Variants in QRICH2 observed in about 807,000 individuals in gnomAD.
The protein encoded by QRICH2 is glutamine-rich protein 2.
In QRICH2, 119 loss-of-function variants were observed where a neutral mutation model predicts 168.3. That is an observed-to-expected ratio of 0.71 (90% confidence interval 0.61 to 0.82). The LOEUF (loss-of-function observed/expected upper bound fraction) is 0.82. Among genes scored for constraint, QRICH2 ranks in the 40% least tolerant of loss-of-function variants. QRICH2 has a pLI of 0.00. For missense variants in QRICH2, 2,241 were observed against 2,491.6 expected (o/e 0.90, Z 2.14); for synonymous variants, 894 against 951.2 (o/e 0.94, Z 1.11).
In QRICH2 at chr17:76,281,284, C is replaced by T. The variant is rs1056743899; in HGVS notation, c.4264-331G>A. The stretch of plus-strand genomic sequence containing the variant: ...GGACACAAGCGTCAGTCACCTACAT[C>T]CCCATGGACTAGCCTTGTGACCCTG... On this transcript the variant is annotated intron_variant, in intron 8 of 18. Transcript: ENST00000680821. This position sits in a 1 kb window ranked among gnomAD's most constrained non-coding sequence, Gnocchi z 4.4. Among the ~76,000 whole-genome samples, 6 of 152,206 alleles carry T rather than the reference C, an allele frequency of 3.9e-5. No individual in the cohort carries two copies. The highest frequency in any genetic ancestry group is 1.4e-4 in the African/African-American group (6 of 41,450).
Position 76,280,534 on chromosome 17 carries a change from A to C in QRICH2, c.4462-83T>G, listed in dbSNP as rs562407554. 2.3e-4 allele frequency: 374 copies of C among 1,591,714 alleles called. 2 individuals are homozygous for C. Among genetic ancestry groups the C allele is most frequent in the South Asian group, 9.0e-4 (80 of 88,760 alleles). ...TTCCCTGGGGGTGTCGACCCCTATC[A>C]CCAGGCAGGTTTCTGAGAGCCCACA... On this transcript the variant is annotated intron_variant, in intron 10 of 18. Coordinates refer to ENST00000680821, the MANE Select transcript of QRICH2 (RefSeq NM_001388453.1). This position sits in a 1 kb window ranked among gnomAD's most constrained non-coding sequence, Gnocchi z 7.4.
At chr17:76,299,399 C>T (rs1403642074) in intron 3 of QRICH2, among the ~76,000 whole-genome samples, 1 of 152,080 alleles carries the variant, frequency 6.6e-6, no homozygotes, top group Non-Finnish European at 1.5e-5. Context: ...GGACCATTTT[C>T]TGATTTCAGG....
Position 76,291,647 on chromosome 17 carries a change from G to T in QRICH2, c.3080C>A (p.Ala1027Asp). ...EQYGQVSPLL[A>D]SQGLASPGID... is the part of the protein sequence containing the mutation. The stretch of plus-strand genomic sequence containing the variant: ...ACCAGGTGATGCCAAACCTTGACTG[G>T]CTAGGAGTGGTGACACCTGGCCGTA... The change falls in exon 4 of 19, where the codon GCC becomes GAC. Residue 1027 changes from alanine to aspartate, a missense_variant. Physicochemically the swap from Ala to Asp is moderately radical, Grantham distance 126. This residue lies in a region of QRICH2 where 2,047 missense variants were observed against 2,303.8 expected (regional missense o/e 0.89). Transcript: ENST00000680821. The T allele has an allele frequency of 6.2e-7, 1 of 1,614,122 alleles. No individual in the cohort carries two copies. Among genetic ancestry groups the T allele is most frequent in the Non-Finnish European group, 8.5e-7 (1 of 1,180,014 alleles).
intron 1 of QRICH2, 89 bp from the exon 2 acceptor site, chr17:76,305,030 C>G (rs2143403851): frequency 1.1e-6 from 1 of 883,480 alleles, no homozygotes; most frequent in Non-Finnish European, 1.9e-6. Context: ...CACACACACT[C>G]TCACACTCAG....
chr17:76,279,658 G>C (rs1256412314), intron 12 of QRICH2, among the ~76,000 whole-genome samples: 1 of 152,122 alleles, frequency 6.6e-6, no homozygotes, highest in Non-Finnish European at 1.5e-5. Context: ...TGCAAGTCTC[G>C]GGCGCCCCCT....
Position 76,280,790 on chromosome 17 carries a change from T to C in QRICH2, c.4386+41A>G, listed in dbSNP as rs80125493. On this transcript the variant is annotated intron_variant, in intron 9 of 18. Coordinates refer to ENST00000680821, the MANE Select transcript of QRICH2 (RefSeq NM_001388453.1). The surrounding 1 kb of genome is among the most constrained non-coding windows in gnomAD (Gnocchi z 7.4). ...GCAGCTGCGGGGCTAGGGCACCACA[T>C]TGAGCCCCGGCCCCATCCCAGCCAC... 1.5e-4 allele frequency: 246 copies of C among 1,613,958 alleles called. No homozygotes were observed. The East Asian group carries it at 4.0e-3, about 26-fold the overall frequency.
upstream of QRICH2, among the ~76,000 whole-genome samples, chr17:76,308,777 GCT>G (rs2071028972): frequency 6.6e-6 from 1 of 151,960 alleles, no homozygotes; most frequent in South Asian, 2.1e-4. Flanking sequence ...AGGGAGTCTT[GCT>G]CTGTCGCCCA....
intron 3 of QRICH2, among the ~76,000 whole-genome samples, chr17:76,301,897 TGTGTGTGTGTGTGTGTGTGTGA>T (rs2070909464): frequency 7.5e-6 from 1 of 132,824 alleles, no homozygotes; most frequent in Non-Finnish European, 1.5e-5. Context: ...TGTGTGTGTG[TGTGTGTGTGTGTGTGTGTGTGA>T]GACAGAGTCT....
intron 3 of QRICH2, among the ~76,000 whole-genome samples, chr17:76,296,437 G>C (rs1001200875): frequency 2.0e-5 from 3 of 152,154 alleles, no homozygotes; most frequent in Non-Finnish European, 2.9e-5. Flanking sequence ...TGAGGAGACA[G>C]AAGTGAGCAT....
intron 16 of QRICH2, 79 bp from the exon 17 acceptor site, chr17:76,276,846 A>T: frequency 8.7e-7 from 1 of 1,150,100 alleles, no homozygotes; most frequent in Non-Finnish European, 1.3e-6. Flanking sequence ...ACTGAGGCAC[A>T]GAGCACTGTG....
At chr17:76,278,951 G>A in intron 14 of QRICH2, 90 bp downstream of exon 14, 1 of 1,064,712 alleles carries the variant, frequency 9.4e-7, no homozygotes, top group Non-Finnish European at 1.4e-6. Flanking sequence ...CGTTCCGCTG[G>A]GCCCTCCGGA....
chr17:76,280,284 C>T lies in QRICH2; in HGVS notation c.4626+3G>A. ...GGAGAGCCCCGCCATGCCCCTGCCT[C>T]ACCTTGTTGTCCATCTCTGTGAGCA... On this transcript the variant is annotated splice_donor_region_variant and intron_variant, in intron 11 of 18. Coordinates refer to ENST00000680821, the MANE Select transcript of QRICH2 (RefSeq NM_001388453.1). This position sits in a 1 kb window ranked among gnomAD's most constrained non-coding sequence, Gnocchi z 7.4. 6.2e-7 allele frequency: 1 copy of T among 1,614,024 alleles called. No homozygotes were observed. Among genetic ancestry groups the T allele is most frequent in the Non-Finnish European group, 8.5e-7 (1 of 1,179,944 alleles).
chr17:76,310,471 GT>G (rs35037723), upstream of QRICH2: 15,708 of 145,654 alleles, frequency 0.11, 1,818 homozygotes, highest in African/African-American at 0.3. Flanking sequence ...TCCCTGGCCT[GT>G]TTTTTTTTTT....
chr17:76,294,061 T>C, intron 3 of QRICH2, 40 bp from the exon 4 acceptor site: 18 of 1,550,734 alleles, frequency 1.2e-5, no homozygotes, highest in Non-Finnish European at 1.6e-5. Flanking sequence ...ACAGTCAAAA[T>C]ATTCACTATC....
At chr17:76,304,983 ACACACGCACACT>A (rs2070967710) in intron 1 of QRICH2, 42 bp from the exon 2 acceptor site, 1 of 1,339,982 alleles carries the variant, frequency 7.5e-7, no homozygotes. Flanking sequence ...AGTGGCCCCT[ACACACGCACACT>A]CACATGCACA....
chr17:76,283,305 A>G (rs1362456547), intron 7 of QRICH2, among the ~76,000 whole-genome samples: 1 of 152,252 alleles, frequency 6.6e-6, no homozygotes, highest in East Asian at 1.9e-4. Flanking sequence ...AGGAAAGAAT[A>G]GGAGTGTGTT....
At position 76,290,996 on chromosome 17, in the gene QRICH2, A is replaced by T. The variant is rs1344320053; in HGVS notation, c.3712+19T>A. 1 of 1,604,350 alleles carries T rather than the reference A, an allele frequency of 6.2e-7. No homozygotes were observed. Among genetic ancestry groups the T allele is most frequent in the African/African-American group, 1.3e-5 (1 of 74,582 alleles). On this transcript the variant is annotated intron_variant, in intron 4 of 18. Transcript: ENST00000680821. Reference sequence around the variant, plus strand: ...AAACAGAGACAATGGTTTCTCCTCTATCGGCAAGCGGCACCCACCCATCTG... The same window carrying T: ...AAACAGAGACAATGGTTTCTCCTCTTTCGGCAAGCGGCACCCACCCATCTG...
chr17:76,284,481 G>GA (rs11403615), intron 7 of QRICH2, among the ~76,000 whole-genome samples: 66,152 of 141,492 alleles, frequency 0.47, 18,917 homozygotes, highest in African/African-American at 0.64. Flanking sequence ...TAACTCACCT[G>GA]AAAAAATGGA....
chr17:76,287,961 T>C, intron 5 of QRICH2, 64 bp from the exon 6 acceptor site: 1 of 1,293,590 alleles, frequency 7.7e-7, no homozygotes, highest in Admixed American at 1.7e-5. Context: ...AGTGTGCCCT[T>C]GCATGCAGCT....
Sources: allele counts gnomAD v4.1 joint callset (sites outside exome capture counted in the v4.1 genomes callset), GRCh38; gene constraint gnomAD v4.1.1; regional missense constraint gnomAD v4.1.1; non-coding constraint Gnocchi (gnomAD v3.1); transcripts MANE v1.5; gene names NCBI Gene and HGNC (gene_info 2026-07-23, HGNC 2026-07-21).